DNAJC3: variants seen among roughly 807,000 people sequenced by gnomAD.
DNAJC3 encodes the protein DnaJ heat shock protein family (Hsp40) member C3, also known as dnaJ homolog subfamily C member 3.
In DNAJC3, 38 loss-of-function variants were observed where a neutral mutation model predicts 68.6. The ratio of observed to expected loss-of-function variants is 0.55; its 90% CI spans 0.43 to 0.73. The LOEUF is 0.73. DNAJC3 is among the 30% of genes least tolerant of loss of function. The pLI is 0.00. For missense variants in DNAJC3, 526 were observed against 591.9 expected (o/e 0.89, Z 1.16); for synonymous variants, 203 against 204.0 (o/e 1.00, Z 0.04).
intron 1 of DNAJC3, among the ~76,000 whole-genome samples, chr13:95,687,432 C>T (rs1186084106): frequency 3.3e-5 from 5 of 152,110 alleles, no homozygotes; most frequent in Non-Finnish European, 5.9e-5. Flanking sequence ...TAAGAGTGAA[C>T]ATCATTGTCC....
chr13:95,774,713 A>G (rs756716008), intron 9 of DNAJC3, among the ~76,000 whole-genome samples: 3 of 152,110 alleles, frequency 2.0e-5, no homozygotes, highest in Non-Finnish European at 4.4e-5. Context: ...TTTTACTTTT[A>G]TTCTTACTCA....
intron 2 of DNAJC3, among the ~76,000 whole-genome samples, chr13:95,714,961 C>T (rs946927629): frequency 2.0e-5 from 3 of 151,932 alleles, no homozygotes; most frequent in African/African-American, 7.2e-5. Flanking sequence ...CTTTTTGAGA[C>T]AGCTCTTTCC....
intron 1 of DNAJC3, among the ~76,000 whole-genome samples, chr13:95,689,538 A>G (rs910294121): frequency 2.0e-5 from 3 of 150,806 alleles, no homozygotes; most frequent in Non-Finnish European, 3.0e-5. Context: ...TATCCTTTCA[A>G]AGAAGTTTTT....
At chr13:95,712,944 G>GTTC (rs571943183) in intron 2 of DNAJC3, among the ~76,000 whole-genome samples, 299 of 152,238 alleles carry the variant, frequency 2.0e-3, no homozygotes, top group Admixed American at 4.0e-3. Context: ...CCCCCATGCT[G>GTTC]TTCTCATGAA....
intron 1 of DNAJC3, among the ~76,000 whole-genome samples, chr13:95,706,070 A>C (rs1289988682): frequency 6.6e-6 from 1 of 152,260 alleles, no homozygotes. Context: ...TTCAAGTTTC[A>C]GTCAGCCAAT....
chr13:95,690,658 G>A lies in DNAJC3; in HGVS notation c.82+13321G>A, dbSNP rs868762570. On this transcript the variant is annotated intron_variant, in intron 1 of 11. Coordinates refer to ENST00000602402, the MANE Select transcript of DNAJC3 (RefSeq NM_006260.5). ...TCCCGGACGGGGCGGCTGGCCGGGC[G>A]GGGGGCTGACCCCCCCACCTCCCTC... Among the ~76,000 whole-genome samples the A allele has an allele frequency of 2.0e-3, 264 of 130,466 alleles. 1 individual carries two copies. Among genetic ancestry groups the A allele is most frequent in the Non-Finnish European group, 3.7e-3 (224 of 60,564 alleles). The allele number at this position is 130,466 out of a possible 152,430, so 85.6% of individuals were successfully genotyped here.
At chr13:95,726,184 A>G (rs2139644322) in intron 4 of DNAJC3, among the ~76,000 whole-genome samples, 1 of 152,258 alleles carries the variant, frequency 6.6e-6, no homozygotes, top group South Asian at 2.1e-4. Context: ...CTTTGGGTAT[A>G]TACCCAGTAA....
intron 9 of DNAJC3, 146 bp from the exon 10 acceptor site, chr13:95,785,793 C>T (rs371915157): frequency 2.9e-5 from 17 of 592,112 alleles, no homozygotes; most frequent in East Asian, 2.8e-4. Flanking sequence ...AAGTTACTAA[C>T]GGGGTATCAC....
intron 7 of DNAJC3, among the ~76,000 whole-genome samples, chr13:95,762,444 C>G (rs1385584418): frequency 6.6e-6 from 1 of 152,100 alleles, no homozygotes. Context: ...GAACGTCTTA[C>G]CATGTTTTCC....
chr13:95,732,146 G>C (rs765491924), intron 4 of DNAJC3, among the ~76,000 whole-genome samples: 4 of 152,080 alleles, frequency 2.6e-5, no homozygotes, highest in South Asian at 2.1e-4. Flanking sequence ...TTCTTTCTTT[G>C]TTGTGTCCTT....
rs1201487639 is a variant in DNAJC3, at chr13:95,792,606, T to A, written c.*1576T>A. 6.6e-6 allele frequency: 1 copy of A among 152,190 alleles called. No individual in the cohort carries two copies. The highest frequency in any genetic ancestry group is 1.5e-5 in the Non-Finnish European group (1 of 68,018). 9.4% of individuals were successfully genotyped at this position (152,190 alleles called of 1,614,324 possible). A position where few individuals can be genotyped will look rare whatever the true frequency, so the allele number is the denominator to read the frequency against. ...TTTTAACTGAGAGACAAAAATCACA[T>A]AGTTGAATTGAGCAGAACACTTAAG... On this transcript the variant is annotated 3_prime_UTR_variant, in exon 12 of 12. Coordinates refer to ENST00000602402, the MANE Select transcript of DNAJC3 (RefSeq NM_006260.5).
chr13:95,785,951 A>G lies in DNAJC3; in HGVS notation c.1088A>G (p.Tyr363Cys). The change falls in exon 10 of 12, where the codon TAT becomes TGT. Residue 363 changes from tyrosine (Y) to cysteine (C), a missense_variant. Physicochemically the swap from Tyr to Cys is radical, Grantham distance 194. Coordinates refer to ENST00000602402, the MANE Select transcript of DNAJC3 (RefSeq NM_006260.5). ...EEMYDEAIQDYETAQEHNEND... is the reference protein window; with the variant it reads ...EEMYDEAIQDCETAQEHNEND... ...CATATTTTGACAGCTATTCAGGATT[A>G]TGAAACTGCTCAGGAACACAATGAA... The G allele has an allele frequency of 6.3e-7, 1 of 1,597,490 alleles. No individual in the cohort carries two copies. Among genetic ancestry groups the G allele is most frequent in the Non-Finnish European group, 8.5e-7 (1 of 1,174,832 alleles).
At chr13:95,704,419 G>T (rs1447791648) in intron 1 of DNAJC3, among the ~76,000 whole-genome samples, 2 of 152,284 alleles carry the variant, frequency 1.3e-5, no homozygotes, top group African/African-American at 2.4e-5. Flanking sequence ...TCAGGTTTTT[G>T]TCTCCTAACT....
intron 9 of DNAJC3, among the ~76,000 whole-genome samples, chr13:95,772,046 T>C (rs1883173455): frequency 1.3e-5 from 2 of 152,222 alleles, no homozygotes; most frequent in Non-Finnish European, 2.9e-5. Context: ...GCGCACCATG[T>C]GGTCTCTGTT....
chr13:95,686,571 T>A (rs1880079014), intron 1 of DNAJC3, among the ~76,000 whole-genome samples: 1 of 152,232 alleles, frequency 6.6e-6, no homozygotes, highest in Non-Finnish European at 1.5e-5. Flanking sequence ...GAGACAGAGA[T>A]CCAGTTTCTT....
chr13:95,715,976 G>C (rs543394807), intron 2 of DNAJC3, among the ~76,000 whole-genome samples: 4 of 151,198 alleles, frequency 2.6e-5, no homozygotes, highest in African/African-American at 9.7e-5. Context: ...GGCCAACATG[G>C]TGAAACCTCC....
intron 1 of DNAJC3, among the ~76,000 whole-genome samples, chr13:95,687,566 G>A (rs947893309): frequency 6.6e-6 from 1 of 152,172 alleles, no homozygotes; most frequent in South Asian, 2.1e-4. Flanking sequence ...AATCTAGCTA[G>A]CAGTTTATCA....
rs544675908 is a variant in DNAJC3, at chr13:95,682,333, C to G, written c.82+4996C>G. On this transcript the variant is annotated intron_variant, in intron 1 of 11. Coordinates refer to ENST00000602402, the MANE Select transcript of DNAJC3 (RefSeq NM_006260.5). The stretch of plus-strand genomic sequence containing the variant: ...AGTGCTCCAACCTGAATAACCATCT[C>G]TCTCTCTGGGATTGCTCTCTGGTCT... Among the ~76,000 whole-genome samples, 24 of 152,186 alleles carry G rather than the reference C, an allele frequency of 1.6e-4. No homozygotes were observed. The South Asian group carries it at 3.7e-3, about 24-fold the overall frequency.
rs562762546 is a variant in DNAJC3, at chr13:95,677,144, C to A, written c.-112C>A. 24 of 880,224 alleles carry A rather than the reference C, an allele frequency of 2.7e-5. 1 individual carries two copies. The South Asian group carries it at 4.0e-4, about 15-fold the overall frequency. The allele number at this position is 880,224 out of a possible 1,614,324, so 54.5% of individuals were successfully genotyped here. The stretch of plus-strand genomic sequence containing the variant: ...GCCTTCCTCTGCTGGGCTCCAGAGC[C>A]ACTGAGGCCTGAGCGAGAGCCGACG... On this transcript the variant is annotated 5_prime_UTR_variant, in exon 1 of 12. Coordinates refer to ENST00000602402, the MANE Select transcript of DNAJC3 (RefSeq NM_006260.5).
Sources: allele counts gnomAD v4.1 joint callset (sites outside exome capture counted in the v4.1 genomes callset), GRCh38; gene constraint gnomAD v4.1.1; transcripts MANE v1.5; gene names NCBI Gene and HGNC (gene_info 2026-07-23, HGNC 2026-07-21).